HOXC5: variants seen among roughly 807,000 people sequenced by gnomAD.
HOXC5 encodes the protein homeobox protein Hox-C5.
HOXC5 carries 19 observed loss-of-function variants against 20.1 expected under a neutral mutation model. That is an observed-to-expected ratio of 0.94 (90% CI 0.66 to 1.38). The LOEUF (loss-of-function observed/expected upper bound fraction) is 1.38, where lower values mean the gene tolerates loss of function less well. HOXC5 is among the 40% of genes most tolerant of loss of function. The probability of loss-of-function intolerance (pLI) is 0.00; values close to 1 mark genes in which losing one functional copy is unlikely to be tolerated. For synonymous variants in HOXC5, 124 were observed against 117.0 expected, an observed-to-expected ratio of 1.06 and a Z score of -0.39; for missense variants, 330 against 300.1, an observed-to-expected ratio of 1.10 and a Z score of -0.74.
upstream of HOXC5, among the ~76,000 whole-genome samples, chr12:54,029,148 G>T (rs914597343): frequency 6.6e-6 from 1 of 152,154 alleles, no homozygotes; most frequent in Non-Finnish European, 1.5e-5. Flanking sequence ...CCCAAGGCGG[G>T]CTGAGGGGGC....
rs767865645 is a variant in HOXC5 at position 54,034,503 on chromosome 12, G to C, written c.*11G>C. 6.2e-7 allele frequency: 1 copy of C among 1,609,576 alleles called. No individual in the cohort carries two copies. Among genetic ancestry groups the C allele is most frequent in the Admixed American group, 1.7e-5 (1 of 59,992 alleles). On this transcript the variant is annotated 3_prime_UTR_variant, in exon 2 of 2. Transcript: ENST00000312492. ...AAAGAGGCTCTTTAGAGGCAGCGGG[G>C]GAGGCCCGCAGAGCGCGCCCCTAGC...
rs1453889127 is a variant in HOXC5, at chr12:54,033,443, G to T, written c.321G>T (p.Ala107=). 2.5e-6 allele frequency: 4 copies of T among 1,600,110 alleles called. No individual in the cohort carries two copies. Among genetic ancestry groups the T allele is most frequent in the South Asian group, 1.1e-5 (1 of 89,950 alleles). The part of the protein sequence containing the change: ...GMYSQKAARP[A]LEERAKSSGE... ...ACAGTCAGAAGGCGGCTCGCCCGGCGCTGGAGGAGCGAGCTAAGAGCAGTG... is the reference window on the plus strand; with the variant it reads ...ACAGTCAGAAGGCGGCTCGCCCGGCTCTGGAGGAGCGAGCTAAGAGCAGTG... Residue 107 remains alanine (A), a synonymous_variant, in exon 1 of 2, where the codon GCG becomes GCT. Transcript: ENST00000312492.
the HOXC5 span, among the ~76,000 whole-genome samples, chr12:54,023,106 G>A: frequency 6.6e-6 from 1 of 152,182 alleles, no homozygotes; most frequent in Non-Finnish European, 1.5e-5. Flanking sequence ...ATCACAGAGA[G>A]CTGTGTCCCC....
the HOXC5 span, among the ~76,000 whole-genome samples, chr12:54,027,674 C>T: frequency 6.6e-6 from 1 of 151,960 alleles, no homozygotes; most frequent in Non-Finnish European, 1.5e-5. Context: ...GGCAAAAATG[C>T]TGGAAGAGTT....
the HOXC5 span, among the ~76,000 whole-genome samples, chr12:54,025,448 T>C: frequency 2.0e-5 from 3 of 149,954 alleles, no homozygotes; most frequent in Admixed American, 6.7e-5. Context: ...AGCGAATCCT[T>C]TCAGCAAATT....
At chr12:54,024,151 CG>C in the HOXC5 span, among the ~76,000 whole-genome samples, 1 of 152,184 alleles carries the variant, frequency 6.6e-6, no homozygotes, top group African/African-American at 2.4e-5. Flanking sequence ...CGGCTTTCTC[CG>C]TAAGAGGGAT....
At chr12:54,020,471 G>A in the HOXC5 span, 3 of 152,230 alleles carry the variant, frequency 2.0e-5, no homozygotes, top group Non-Finnish European at 4.4e-5. Context: ...GACAGAATGC[G>A]ACCTTGTTTG....
rs202063227 is a variant in HOXC5 at position 54,033,576 on chromosome 12, G to T, written c.454G>T (p.Glu152Ter). 10 of 1,572,614 alleles carry T rather than the reference G, an allele frequency of 6.4e-6. No homozygotes were observed. Among genetic ancestry groups the T allele is most frequent in the Non-Finnish European group, 8.6e-6 (10 of 1,163,392 alleles). Residue 152 changes from glutamate (E) to a stop codon, truncating the protein, a stop_gained and splice_region_variant, in exon 1 of 2, where the codon GAG becomes TAG. Transcript: ENST00000312492. LOFTEE classifies it high-confidence loss of function. The stretch of plus-strand genomic sequence containing the variant: ...GATGACCAAACTGCACATGAGCCAC[G>T]GTAAACTTTAGGACTTCATTTTGCG... ...PWMTKLHMSH[E>*]TDGKRSRTSY...
In HOXC5 at chr12:54,033,140, C is replaced by T. The variant is rs1941052152; in HGVS notation, c.18C>T (p.Ala6=). Residue 6 remains alanine (A), a synonymous_variant, in exon 1 of 2, where the codon GCC becomes GCT. Transcript: ENST00000312492. Reference sequence around the variant, plus strand: ...TCCCCGCCATGAGCTCCTACGTAGCCAATTCATTCTATAAGCAGAGCCCCA... The same window carrying T: ...TCCCCGCCATGAGCTCCTACGTAGCTAATTCATTCTATAAGCAGAGCCCCA... MSSYV[A]NSFYKQSPNI... The T allele has an allele frequency of 6.2e-7, 1 of 1,609,840 alleles. No individual in the cohort carries two copies. The highest frequency in any genetic ancestry group is 8.5e-7 in the Non-Finnish European group (1 of 1,176,324).
At chr12:54,021,801 G>C in the HOXC5 span, 1 of 152,582 alleles carries the variant, frequency 6.6e-6, no homozygotes, top group Admixed American at 6.5e-5. Context: ...TATTGTGTCT[G>C]TGAGTTGTTT....
chr12:54,018,035 G>T, the HOXC5 span, among the ~76,000 whole-genome samples: 1 of 152,228 alleles, frequency 6.6e-6, no homozygotes, highest in African/African-American at 2.4e-5. Flanking sequence ...GCAATTAGGG[G>T]GGAGGCTGGT....
upstream of HOXC5, chr12:54,029,631 T>A (rs760440415): frequency 5.0e-6 from 8 of 1,603,732 alleles, no homozygotes; most frequent in Non-Finnish European, 6.8e-6. Context: ...TTGCTTTTAG[T>A]GTGTTTTGTG....
At chr12:54,032,222 A>C (rs917873422), upstream of HOXC5, among the ~76,000 whole-genome samples, 5 of 151,498 alleles carry the variant, frequency 3.3e-5, no homozygotes, top group Non-Finnish European at 7.4e-5. Flanking sequence ...GGTCTAGCCA[A>C]CTCCACCTGG....
At chr12:54,028,393 G>T, upstream of HOXC5, 6 of 1,038,198 alleles carry the variant, frequency 5.8e-6, no homozygotes, top group Non-Finnish European at 6.9e-6. Context: ...CTGGGAGGGG[G>T]TCAGCTGACT....
At chr12:54,029,742 A>G (rs548281243), upstream of HOXC5, 5 of 1,614,216 alleles carry the variant, frequency 3.1e-6, no homozygotes, top group East Asian at 2.2e-5. Flanking sequence ...TTTCACTTCA[A>G]TCGCTACCTA....
upstream of HOXC5, chr12:54,033,048 A>C (rs1941045836): frequency 1.6e-6 from 2 of 1,242,414 alleles, no homozygotes; most frequent in Non-Finnish European, 2.3e-6. Context: ...AGAACAAAAA[A>C]CCCCTCAACT....
At chr12:54,028,687 T>C (rs1940842663), upstream of HOXC5, 1 of 1,614,068 alleles carries the variant, frequency 6.2e-7, no homozygotes, top group Non-Finnish European at 8.5e-7. Context: ...TCCCTTTTAT[T>C]CGCCACAGGA....
the HOXC5 span, among the ~76,000 whole-genome samples, chr12:54,026,277 CTTG>C: frequency 6.6e-6 from 1 of 152,136 alleles, no homozygotes; most frequent in African/African-American, 2.4e-5. Flanking sequence ...GTACTCCTGC[CTTG>C]TTGTCTCTCC....
Position 54,034,743 on chromosome 12 carries a change from C to T in HOXC5, c.*251C>T, listed in dbSNP as rs1941136879. 1 of 511,104 alleles carries T rather than the reference C, an allele frequency of 2.0e-6. No homozygotes were observed. Among genetic ancestry groups the T allele is most frequent in the Non-Finnish European group, 3.6e-6 (1 of 280,872 alleles). The allele number at this position is 511,104 out of a possible 1,614,324, so 31.7% of individuals were successfully genotyped here. On this transcript the variant is annotated 3_prime_UTR_variant, in exon 2 of 2. Coordinates refer to ENST00000312492, the MANE Select transcript of HOXC5 (RefSeq NM_018953.4). ...CTCGGTACCCGGGGCCCAGGGCAAG[C>T]TCCGCAGGACTTCCCCGGAGGGCTG...
Sources: allele counts gnomAD v4.1 joint callset (sites outside exome capture counted in the v4.1 genomes callset), GRCh38; gene constraint gnomAD v4.1.1; transcripts MANE v1.5; gene names NCBI Gene and HGNC (gene_info 2026-07-23, HGNC 2026-07-21).